DNPEP: variants seen among roughly 807,000 people sequenced by gnomAD.
DNPEP encodes aspartyl aminopeptidase.
In DNPEP, 46 loss-of-function variants were observed where a neutral mutation model predicts 59.1. The observed-to-expected ratio is 0.78, with a 90% CI of 0.61 to 0.99. The LOEUF is 0.99. DNPEP is among the 50% of genes least tolerant of loss of function. The pLI is 0.00. For missense variants in DNPEP, 617 were observed against 649.9 expected, an observed-to-expected ratio of 0.95 and a Z score of 0.55; for synonymous variants, 229 against 242.2, an observed-to-expected ratio of 0.95 and a Z score of 0.50.
chr2:219,379,109 G>C (rs1267644192), intron 13 of DNPEP, among the ~76,000 whole-genome samples: 3 of 151,994 alleles, frequency 2.0e-5, no homozygotes, highest in African/African-American at 7.3e-5. Context: ...GTAGAGACGG[G>C]GTTTCACCAT....
At chr2:219,381,255 C>T (rs1953583213) in intron 13 of DNPEP, 80 bp downstream of exon 13, 1 of 1,283,324 alleles carries the variant, frequency 7.8e-7, no homozygotes, top group Middle Eastern at 2.6e-4. Context: ...TACCAGGTTC[C>T]CTGTTCATGG....
chr2:219,385,670 C>A lies in DNPEP; in HGVS notation c.627G>T (p.Leu209=). The A allele has an allele frequency of 6.2e-7, 1 of 1,610,388 alleles. No individual in the cohort carries two copies. The highest frequency in any genetic ancestry group is 8.5e-7 in the Non-Finnish European group (1 of 1,178,144). ...PILATAIQEE[L]EKGTPEPGPL... is the part of the protein sequence containing the mutation. Reference sequence around the variant, plus strand: ...GCCCTGGCTCAGGAGTCCCCTTCTCCAGCTCCTCCTGGATGGCTGTGGCAA... The same window carrying A: ...GCCCTGGCTCAGGAGTCCCCTTCTCAAGCTCCTCCTGGATGGCTGTGGCAA... Residue 209 remains leucine, a synonymous_variant, in exon 7 of 15, where the codon CTG becomes CTT. Coordinates refer to ENST00000273075, the MANE Select transcript of DNPEP (RefSeq NM_012100.4).
upstream of DNPEP, among the ~76,000 whole-genome samples, chr2:219,390,024 C>T (rs1261069316): frequency 1.3e-5 from 2 of 152,054 alleles, no homozygotes; most frequent in Non-Finnish European, 2.9e-5. Flanking sequence ...TTTCTGATCA[C>T]AGAAAAGAGT....
chr2:219,392,811 A>G (rs1954039595), upstream of DNPEP, among the ~76,000 whole-genome samples: 1 of 152,152 alleles, frequency 6.6e-6, no homozygotes, highest in South Asian at 2.1e-4. Flanking sequence ...CGTCCAGCCT[A>G]GAACTACAAA....
At chr2:219,394,402 C>A (rs1053736730) in intron 1 of DNPEP, among the ~76,000 whole-genome samples, 8 of 152,198 alleles carry the variant, frequency 5.3e-5, no homozygotes, top group Non-Finnish European at 1.0e-4. Context: ...CTTCTGGCTC[C>A]TCCTCATCTC....
chr2:219,379,577 A>C (rs376092467), intron 13 of DNPEP, among the ~76,000 whole-genome samples: 1 of 152,224 alleles, frequency 6.6e-6, no homozygotes, highest in African/African-American at 2.4e-5. Flanking sequence ...TTGTGTTTTA[A>C]GCCAACTGTT....
At position 219,387,651 on chromosome 2, in the gene DNPEP, C is replaced by T. The variant is rs1279435547; in HGVS notation, c.36+108G>A. The T allele has an allele frequency of 2.6e-6, 4 of 1,562,102 alleles. No homozygotes were observed. In the South Asian group the frequency reaches 4.7e-5, roughly 18 times the overall value. On this transcript the variant is annotated intron_variant, in intron 1 of 14. Coordinates refer to ENST00000273075, the MANE Select transcript of DNPEP (RefSeq NM_012100.4). ...ACCCTCCGCGGGGCTTTCGGTTTCG[C>T]TTTGGGTCAGGCGGCCCCACTGCAG... is the stretch of plus-strand genomic sequence containing the variant.
At chr2:219,392,259 T>G (rs1954027714), upstream of DNPEP, among the ~76,000 whole-genome samples, 1 of 152,256 alleles carries the variant, frequency 6.6e-6, no homozygotes, top group South Asian at 2.1e-4. Flanking sequence ...CTTTTTGGTT[T>G]AACACATATT....
intron 1 of DNPEP, among the ~76,000 whole-genome samples, chr2:219,399,028 T>G (rs1954143711): frequency 6.6e-6 from 1 of 152,256 alleles, no homozygotes; most frequent in South Asian, 2.1e-4. Flanking sequence ...CTAGGGAAGC[T>G]TACTCATTTT....
At chr2:219,388,332 C>T (rs1430352178), upstream of DNPEP, among the ~76,000 whole-genome samples, 1 of 144,092 alleles carries the variant, frequency 6.9e-6, no homozygotes, top group African/African-American at 2.6e-5. Flanking sequence ...TTCGTCAGGC[C>T]TCCTTGCGCT....
Position 219,387,129 on chromosome 2 carries a change from A to G in DNPEP, c.71T>C (p.Val24Ala). ...AMNGKARKEA[V>A]QTAAKELLKF... ...GAGGAGTTCCTTAGCCGCAGTCTGCACCGCCTCTTTGCGGGCCTTACCGTT... is the reference window on the plus strand; with the variant it reads ...GAGGAGTTCCTTAGCCGCAGTCTGCGCCGCCTCTTTGCGGGCCTTACCGTT... The change falls in exon 2 of 15, where the codon GTG becomes GCG. Residue 24 changes from valine to alanine, a missense_variant. Coordinates refer to ENST00000273075, the MANE Select transcript of DNPEP (RefSeq NM_012100.4). The G allele has an allele frequency of 6.4e-7, 1 of 1,569,644 alleles. No individual in the cohort carries two copies. The highest frequency in any genetic ancestry group is 8.7e-7 in the Non-Finnish European group (1 of 1,155,964).
Position 219,372,674 on chromosome 2 carries a change from G to A in DNPEP, c.*1618C>T, listed in dbSNP as rs928585402. 1.3e-5 allele frequency among the ~76,000 whole-genome samples: 2 copies of A among 151,996 alleles called. No homozygotes were observed. Among genetic ancestry groups the A allele is most frequent in the Non-Finnish European group, 2.9e-5 (2 of 67,992 alleles). On this transcript the variant is annotated 3_prime_UTR_variant, in exon 15 of 15. Coordinates refer to ENST00000273075, the MANE Select transcript of DNPEP (RefSeq NM_012100.4). ...AAGCCACCGTGCCTGGCCATATAAT[G>A]TTTTGAAGGTACTCCTTGTCCTGTG...
chr2:219,387,175 G>A lies in DNPEP; in HGVS notation c.37-12C>T. The A allele has an allele frequency of 1.3e-6, 2 of 1,552,574 alleles. No homozygotes were observed. Among genetic ancestry groups the A allele is most frequent in the Non-Finnish European group, 8.7e-7 (1 of 1,147,714 alleles). ...CCGTTCATGGCCACCTAGGGGAGGG[G>A]GATGCTCAGACTTTTACAAGGTCTG... On this transcript the variant is annotated splice_polypyrimidine_tract_variant and intron_variant, in intron 1 of 14. Coordinates refer to ENST00000273075, the MANE Select transcript of DNPEP (RefSeq NM_012100.4).
rs969886274 is a variant in DNPEP, at chr2:219,387,779, G to A, written c.16C>T (p.Pro6Ser). 5.3e-5 allele frequency: 85 copies of A among 1,601,554 alleles called. No individual in the cohort carries two copies. Among genetic ancestry groups the A allele is most frequent in the Non-Finnish European group, 7.0e-5 (82 of 1,174,936 alleles). Residue 6 changes from proline (P) to serine (S), a missense_variant, in exon 1 of 15, where the codon CCC becomes TCC. Physicochemically the swap from Pro to Ser is moderately conservative, Grantham distance 74 (BLOSUM62 -1). Coordinates refer to ENST00000273075, the MANE Select transcript of DNPEP (RefSeq NM_012100.4). Reference sequence around the variant, plus strand: ...CTTACCTGCATGGCCCCGCGCGTGGGGCTGTGTCCGCTCATCTGGCCTCCG... The same window carrying A: ...CTTACCTGCATGGCCCCGCGCGTGGAGCTGTGTCCGCTCATCTGGCCTCCG... MSGHS[P>S]TRGAMQVAMN...
chr2:219,375,266 T>A (rs1469719481), intron 13 of DNPEP, among the ~76,000 whole-genome samples: 1 of 152,216 alleles, frequency 6.6e-6, no homozygotes, highest in Non-Finnish European at 1.5e-5. Context: ...GGGGGATTTT[T>A]AAAAGTATCC....
chr2:219,380,333 A>T (rs1160131942), intron 13 of DNPEP, among the ~76,000 whole-genome samples: 1 of 151,030 alleles, frequency 6.6e-6, no homozygotes, highest in Non-Finnish European at 1.5e-5. Context: ...CTTCCCAAGT[A>T]GGGAAGGCCT....
In DNPEP at chr2:219,385,969, G is replaced by A. The variant is rs1328734785; in HGVS notation, c.589C>T (p.Leu197=). 5 of 1,614,096 alleles carry A rather than the reference G, an allele frequency of 3.1e-6. No homozygotes were observed. Among genetic ancestry groups the A allele is most frequent in the Non-Finnish European group, 3.4e-6 (4 of 1,179,988 alleles). Residue 197 remains leucine, a splice_region_variant and synonymous_variant, in exon 6 of 15, where the codon CTA becomes TTA. Transcript: ENST00000273075. The stretch of plus-strand genomic sequence containing the variant: ...ACCGCAGCCCTGCCCCAGTCTCACA[G>A]ATGCATCTCTGTGTTGGGCCCAAAG... ...ENFGPNTEMH[L]VPILATAIQE...
At chr2:219,377,498 A>G (rs1953421789) in intron 13 of DNPEP, among the ~76,000 whole-genome samples, 1 of 152,128 alleles carries the variant, frequency 6.6e-6, no homozygotes, top group Admixed American at 6.6e-5. Flanking sequence ...TATCAGCCAA[A>G]TATAACGCAT....
In DNPEP at chr2:219,386,651, T is replaced by G. The variant is rs748340272; in HGVS notation, c.333+14A>C. On this transcript the variant is annotated intron_variant, in intron 4 of 14. Transcript: ENST00000273075. ...GACATCTCCTCCCACCCCAACACCG[T>G]CCGAGTTCCTTACCCGGAGGCAGGG... 1 of 1,604,746 alleles carries G rather than the reference T, an allele frequency of 6.2e-7. No homozygotes were observed. The highest frequency in any genetic ancestry group is 8.5e-7 in the Non-Finnish European group (1 of 1,176,056).
Sources: allele counts gnomAD v4.1 joint callset (sites outside exome capture counted in the v4.1 genomes callset), GRCh38; gene constraint gnomAD v4.1.1; transcripts MANE v1.5; gene names NCBI Gene and HGNC (gene_info 2026-07-23, HGNC 2026-07-21).